The following KIAA1328 variants were observed in gnomAD, a reference collection of about 807,000 sequenced individuals.
KIAA1328 encodes the protein KIAA1328.
KIAA1328 carries 52 observed loss-of-function variants against 68.1 expected under a neutral mutation model. The ratio of observed to expected loss-of-function variants is 0.76; its 90% CI spans 0.61 to 0.96. KIAA1328 has a LOEUF of 0.96. Among genes scored for constraint, KIAA1328 ranks in the 40% least tolerant of loss-of-function variants. The probability of loss-of-function intolerance (pLI) is 0.00; values close to 1 mark genes in which losing one functional copy is unlikely to be tolerated. For missense variants in KIAA1328, 641 were observed against 677.6 expected (o/e 0.95, Z 0.60); for synonymous variants, 232 against 239.4 (o/e 0.97, Z 0.28).
At chr18:37,119,342 T>A (rs560696041) in intron 7 of KIAA1328, among the ~76,000 whole-genome samples, 1 of 152,260 alleles carries the variant, frequency 6.6e-6, no homozygotes, top group East Asian at 1.9e-4. Flanking sequence ...TATATTGTCT[T>A]AGTCGGCTTG....
At chr18:37,168,317 C>T (rs1203311481) in intron 8 of KIAA1328, among the ~76,000 whole-genome samples, 2 of 152,296 alleles carry the variant, frequency 1.3e-5, no homozygotes, top group Non-Finnish European at 1.5e-5. Flanking sequence ...GGCTTTCCAC[C>T]TTACCACACG....
At chr18:36,965,290 T>C (rs184926111) in intron 6 of KIAA1328, among the ~76,000 whole-genome samples, 1 of 152,048 alleles carries the variant, frequency 6.6e-6, no homozygotes, top group Non-Finnish European at 1.5e-5. Flanking sequence ...TGTGATTACT[T>C]GTTCCATATT....
intron 9 of KIAA1328, among the ~76,000 whole-genome samples, chr18:37,206,054 G>A (rs1288612678): frequency 6.6e-6 from 1 of 152,176 alleles, no homozygotes; most frequent in Non-Finnish European, 1.5e-5. Context: ...TTCTCATTCT[G>A]TAGTTGTTCT....
chr18:36,895,928 C>A, intron 5 of KIAA1328: 1 of 368,980 alleles, frequency 2.7e-6, no homozygotes, highest in South Asian at 2.1e-5. Context: ...CCAAGAGAGC[C>A]CTCACCAGAA....
Position 37,218,526 on chromosome 18 carries a change from A to G in KIAA1328, c.1524-3491A>G, listed in dbSNP as rs545985107. On this transcript the variant is annotated intron_variant, in intron 9 of 9. Coordinates refer to ENST00000280020, the MANE Select transcript of KIAA1328 (RefSeq NM_020776.3). ...AAAGGAAAATTTAAAGTAGTGAGCT[A>G]GAGTAAAAAACAAGGTTAGGCGTTA... 1.1e-4 allele frequency among the ~76,000 whole-genome samples: 17 copies of G among 152,290 alleles called. No homozygotes were observed. The South Asian group carries it at 3.5e-3, about 32-fold the overall frequency.
intron 4 of KIAA1328, among the ~76,000 whole-genome samples, chr18:36,847,327 C>T (rs2047061897): frequency 6.6e-6 from 1 of 151,504 alleles, no homozygotes; most frequent in Non-Finnish European, 1.5e-5. Context: ...AACTTCCCAA[C>T]CGCTTCCCAA....
intron 5 of KIAA1328, among the ~76,000 whole-genome samples, chr18:36,888,373 A>G (rs1048231862): frequency 6.6e-6 from 1 of 152,178 alleles, no homozygotes; most frequent in Non-Finnish European, 1.5e-5. Context: ...GATTTATCTT[A>G]TAAGCTAAGA....
chr18:36,890,499 C>T (rs989856929), intron 5 of KIAA1328, among the ~76,000 whole-genome samples: 5 of 151,982 alleles, frequency 3.3e-5, no homozygotes, highest in South Asian at 4.2e-4. Flanking sequence ...GGTGAAACCC[C>T]GTCTCTACTA....
intron 7 of KIAA1328, among the ~76,000 whole-genome samples, chr18:37,129,118 T>G (rs1238600732): frequency 6.6e-6 from 1 of 152,146 alleles, no homozygotes; most frequent in Admixed American, 6.5e-5. Flanking sequence ...TCAAACTCAT[T>G]GAACTTTGTA....
At chr18:37,076,566 A>G (rs1487885061) in intron 7 of KIAA1328, among the ~76,000 whole-genome samples, 6 of 151,846 alleles carry the variant, frequency 4.0e-5, no homozygotes, top group African/African-American at 1.4e-4. Flanking sequence ...GAAAGGATCA[A>G]CAAAATTGAT....
intron 5 of KIAA1328, among the ~76,000 whole-genome samples, chr18:36,900,058 A>G (rs1231842440): frequency 2.0e-5 from 3 of 151,880 alleles, no homozygotes; most frequent in African/African-American, 4.8e-5. Context: ...GAAATCATCT[A>G]TCATCTACAC....
At chr18:37,219,888 A>C (rs2060524380) in intron 9 of KIAA1328, among the ~76,000 whole-genome samples, 1 of 150,436 alleles carries the variant, frequency 6.6e-6, no homozygotes, top group South Asian at 2.1e-4. Flanking sequence ...CTGGAAATGC[A>C]GAAATCACCC....
At chr18:36,924,176 T>C (rs1387792004) in intron 5 of KIAA1328, among the ~76,000 whole-genome samples, 1 of 152,176 alleles carries the variant, frequency 6.6e-6, no homozygotes, top group East Asian at 1.9e-4. Flanking sequence ...TGAGTTGATC[T>C]GATTTTGAGT....
At chr18:37,106,632 T>A (rs1386605327) in intron 7 of KIAA1328, among the ~76,000 whole-genome samples, 1 of 152,072 alleles carries the variant, frequency 6.6e-6, no homozygotes, top group East Asian at 1.9e-4. Context: ...TTGGCCAGGC[T>A]GGTCTCGAAC....
intron 9 of KIAA1328, among the ~76,000 whole-genome samples, chr18:37,198,793 G>T (rs2060051860): frequency 6.6e-6 from 1 of 152,280 alleles, no homozygotes; most frequent in South Asian, 2.1e-4. Context: ...CTCTGAAGTG[G>T]GAAGCAAGGC....
chr18:36,932,965 T>G (rs1484871944), intron 5 of KIAA1328, among the ~76,000 whole-genome samples: 1 of 152,192 alleles, frequency 6.6e-6, no homozygotes, highest in East Asian at 1.9e-4. Context: ...TGACGTTTTT[T>G]GAAAGTTAGT....
downstream of KIAA1328, among the ~76,000 whole-genome samples, chr18:37,228,230 A>G (rs1426250234): frequency 1.3e-5 from 2 of 152,226 alleles, no homozygotes; most frequent in Non-Finnish European, 2.9e-5. Context: ...TGAAGATGCT[A>G]TGAACATAAT....
chr18:37,182,118 TC>T (rs1193681606), intron 9 of KIAA1328, among the ~76,000 whole-genome samples: 1 of 152,194 alleles, frequency 6.6e-6, no homozygotes, highest in Admixed American at 6.5e-5. Context: ...TATTGCCAGT[TC>T]CTGCTGTCAT....
At chr18:37,202,606 A>T (rs1015470368) in intron 9 of KIAA1328, among the ~76,000 whole-genome samples, 1 of 152,220 alleles carries the variant, frequency 6.6e-6, no homozygotes, top group Non-Finnish European at 1.5e-5. Flanking sequence ...CCGTGGTTAA[A>T]GACACAATTA....
Sources: gnomAD v4.1 joint callset for allele counts (sites outside exome capture counted in the v4.1 genomes callset) on GRCh38, gnomAD v4.1.1 for gene constraint, MANE v1.5 for transcripts, NCBI Gene and HGNC (gene_info 2026-07-23, HGNC 2026-07-21) for gene names.